CAPN14: variants seen among roughly 807,000 people sequenced by gnomAD.
The protein encoded by CAPN14 is calpain-14.
A neutral mutation model predicts 101.3 loss-of-function variants in CAPN14; 94 were observed. That is an observed-to-expected ratio of 0.93 (90% confidence interval 0.79 to 1.10). The LOEUF (loss-of-function observed/expected upper bound fraction) is 1.10, where lower values mean the gene tolerates loss of function less well. Among genes scored for constraint, CAPN14 ranks in the 50% least tolerant of loss-of-function variants. The probability of loss-of-function intolerance (pLI) is 0.00; values close to 1 mark genes in which losing one functional copy is unlikely to be tolerated. For synonymous variants in CAPN14, 338 were observed against 317.9 expected (o/e 1.06, Z -0.67); for missense variants, 837 against 828.4 (o/e 1.01, Z -0.13).
At chr2:31,179,291 G>C (rs1025045667) in intron 17 of CAPN14, among the ~76,000 whole-genome samples, 2 of 151,806 alleles carry the variant, frequency 1.3e-5, no homozygotes, top group Non-Finnish European at 2.9e-5. Context: ...TCATTGTTCA[G>C]TTCCCACCTA....
chr2:31,233,450 C>T (rs1683256591), intron 1 of CAPN14, among the ~76,000 whole-genome samples: 1 of 152,224 alleles, frequency 6.6e-6, no homozygotes, highest in African/African-American at 2.4e-5. Flanking sequence ...AAAGGAGTGA[C>T]TCCTCCCTGT....
In CAPN14 at chr2:31,205,143, CT is replaced by C. The variant is rs761945554; in HGVS notation, c.225+79del. 4.1e-4 allele frequency: 504 copies of C among 1,229,420 alleles called. 1 individual carries two copies. Among genetic ancestry groups the C allele is most frequent in the Non-Finnish European group, 5.5e-4 (476 of 863,308 alleles). The allele number at this position is 1,229,420 out of a possible 1,614,324, so 76.2% of individuals were successfully genotyped here. The stretch of plus-strand genomic sequence containing the variant: ...AGAGTAGGAAAAAGCCTGTTTTTTT[CT>C]CCCATATATCTTAGGCGCAGTATCT... On this transcript the variant is annotated intron_variant, in intron 2 of 21. Transcript: ENST00000403897.
At chr2:31,215,385 T>C (rs892312544) in intron 1 of CAPN14, among the ~76,000 whole-genome samples, 1 of 152,074 alleles carries the variant, frequency 6.6e-6, no homozygotes, top group Non-Finnish European at 1.5e-5. Flanking sequence ...GCCATAGGAC[T>C]GGCCATTTCA....
upstream of CAPN14, among the ~76,000 whole-genome samples, chr2:31,219,022 C>G (rs1233503565): frequency 1.3e-5 from 2 of 152,046 alleles, no homozygotes; most frequent in African/African-American, 4.8e-5. Context: ...CATCCTGGCC[C>G]TTAGTTATCT....
chr2:31,212,184 C>T (rs1369946893), intron 1 of CAPN14, among the ~76,000 whole-genome samples: 1 of 151,986 alleles, frequency 6.6e-6, no homozygotes, highest in Non-Finnish European at 1.5e-5. Context: ...GTGGTGGGCG[C>T]CCGTAATCCC....
intron 1 of CAPN14, among the ~76,000 whole-genome samples, chr2:31,231,168 T>C (rs1314010319): frequency 6.6e-6 from 1 of 152,146 alleles, no homozygotes; most frequent in Admixed American, 6.5e-5. Flanking sequence ...ATTCTTCTTA[T>C]CTTCTTTCTT....
chr2:31,180,722 T>A (rs1218731993), intron 17 of CAPN14, among the ~76,000 whole-genome samples: 1 of 152,178 alleles, frequency 6.6e-6, no homozygotes, highest in African/African-American at 2.4e-5. Context: ...ACCTGTATTA[T>A]CTCATTTGCA....
intron 1 of CAPN14, among the ~76,000 whole-genome samples, chr2:31,210,007 C>G (rs1265576243): frequency 1.3e-5 from 2 of 152,164 alleles, no homozygotes; most frequent in Non-Finnish European, 2.9e-5. Flanking sequence ...TCCAGGAATA[C>G]AGAGTCCATA....
At chr2:31,184,260 A>C (rs1169362604) in intron 16 of CAPN14, among the ~76,000 whole-genome samples, 1 of 152,196 alleles carries the variant, frequency 6.6e-6, no homozygotes, top group Non-Finnish European at 1.5e-5. Context: ...TTCAGTCAGG[A>C]GAAACTTCTT....
chr2:31,200,456 A>C lies in CAPN14; in HGVS notation c.721T>G (p.Ser241Ala), dbSNP rs1364517797. The part of the protein sequence containing the change: ...NRTLIGCQTH[S>A]GEKILENGLV... ...CAGTGGCAGCCCAGTCTCACCCCTG[A>C]GTGGGTCTGGCAGCCAATGAGGGTT... The change falls in exon 6 of 22, where the codon TCA becomes GCA. Residue 241 changes from serine (S) to alanine (A), a missense_variant. By Grantham distance (99) the Ser-to-Ala change is moderately conservative (BLOSUM62 1). Coordinates refer to ENST00000403897, the MANE Select transcript of CAPN14 (RefSeq NM_001145122.2). The C allele has an allele frequency of 6.5e-7, 1 of 1,549,036 alleles. No homozygotes were observed. The highest frequency in any genetic ancestry group is 2.0e-5 in the Admixed American group (1 of 50,916).
Position 31,199,739 on chromosome 2 carries a change from T to C in CAPN14, c.727-207A>G, listed in dbSNP as rs559513547. 6.6e-5 allele frequency among the ~76,000 whole-genome samples: 10 copies of C among 152,340 alleles called. No homozygotes were observed. The South Asian group carries it at 2.1e-3, about 32-fold the overall frequency. On this transcript the variant is annotated intron_variant, in intron 6 of 21. Transcript: ENST00000403897. ...TAAGTGAGCCATTCTGCAGTGATCA[T>C]GCCATACCCTCAATTTTACAGAGGA...
chr2:31,190,925 T>C (rs561052232), intron 12 of CAPN14, among the ~76,000 whole-genome samples: 4 of 152,336 alleles, frequency 2.6e-5, no homozygotes, highest in African/African-American at 9.6e-5. Flanking sequence ...GGTGTTCTTG[T>C]CCCTCTGCTC....
chr2:31,210,259 T>C (rs1328235691), intron 1 of CAPN14, among the ~76,000 whole-genome samples: 2 of 151,750 alleles, frequency 1.3e-5, no homozygotes, highest in African/African-American at 2.4e-5. Context: ...CTGGCTAACA[T>C]GGTGAAACCC....
chr2:31,186,440 T>C lies in CAPN14; in HGVS notation c.1633A>G (p.Met545Val). 6.5e-7 allele frequency: 1 copy of C among 1,549,128 alleles called. No individual in the cohort carries two copies. The highest frequency in any genetic ancestry group is 1.2e-5 in the South Asian group (1 of 83,562). ...CTAAAACACTTACTTGACCAGGTCA[T>C]CTGGTTCAGGAGGTTCTGAAGTTGA... ...AVQLQNLLNQ[M>V]TWSSLGSRQP... Residue 545 changes from methionine (M) to valine (V), a missense_variant, in exon 16 of 22, where the codon ATG (methionine) becomes GTG (valine). Coordinates refer to ENST00000403897, the MANE Select transcript of CAPN14 (RefSeq NM_001145122.2).
chr2:31,219,102 C>T (rs1175947308), upstream of CAPN14, among the ~76,000 whole-genome samples: 1 of 152,108 alleles, frequency 6.6e-6, no homozygotes, highest in African/African-American at 2.4e-5. Flanking sequence ...TGGGACAGCA[C>T]CCTGCACCTG....
intron 1 of CAPN14, among the ~76,000 whole-genome samples, chr2:31,208,874 T>G (rs1023783139): frequency 6.6e-6 from 1 of 152,196 alleles, no homozygotes; most frequent in Non-Finnish European, 1.5e-5. Context: ...TATTTAAGAA[T>G]GTGCAGCCTA....
Position 31,213,540 on chromosome 2 carries a change from G to C in CAPN14, c.-53+3916C>G, listed in dbSNP as rs75808415. ...CTCTAAAGCACTGTTTAACCAGGTA[G>C]ATTGCTGTTGCAGGGCTAGGCACAG... On this transcript the variant is annotated intron_variant, in intron 1 of 21. Coordinates refer to ENST00000403897, the MANE Select transcript of CAPN14 (RefSeq NM_001145122.2). 2.3e-3 allele frequency among the ~76,000 whole-genome samples: 353 copies of C among 152,354 alleles called. 1 individual carries two copies. The highest frequency in any genetic ancestry group is 6.5e-3 in the African/African-American group (269 of 41,580).
intron 9 of CAPN14, among the ~76,000 whole-genome samples, chr2:31,194,128 A>G (rs910078694): frequency 1.3e-5 from 2 of 152,340 alleles, no homozygotes; most frequent in East Asian, 3.9e-4. Context: ...TGTTTTGAAT[A>G]CACTGAGCAA....
At chr2:31,183,013 G>T (rs1680726214) in intron 16 of CAPN14, among the ~76,000 whole-genome samples, 1 of 152,112 alleles carries the variant, frequency 6.6e-6, no homozygotes, top group South Asian at 2.1e-4. Context: ...ACAGAACAGA[G>T]CCCTCAGAAA....
Sources: gnomAD v4.1 joint callset for allele counts (sites outside exome capture counted in the v4.1 genomes callset) on GRCh38, gnomAD v4.1.1 for gene constraint, MANE v1.5 for transcripts, NCBI Gene and HGNC (gene_info 2026-07-23, HGNC 2026-07-21) for gene names.